Variants in TNN observed in about 807,000 individuals in gnomAD.
TNN encodes tenascin-N.
In TNN, 122 loss-of-function variants were observed where a neutral mutation model predicts 134.4. That is an observed-to-expected ratio of 0.91 (90% CI 0.78 to 1.06). The LOEUF is 1.06. Among genes scored for constraint, TNN ranks in the 50% least tolerant of loss-of-function variants. The pLI is 0.00. For missense variants in TNN, 1,739 were observed against 1,699.4 expected (o/e 1.02, Z -0.41); for synonymous variants, 710 against 670.3 (o/e 1.06, Z -0.91).
rs112507321 is a variant in TNN, at chr1:175,141,964, C to A, written c.3596-2423C>A. Among the ~76,000 whole-genome samples the A allele has an allele frequency of 5.5e-3, 845 of 152,302 alleles. 3 individuals are homozygous for A. The highest frequency in any genetic ancestry group is 0.014 in the South Asian group (67 of 4,822). On this transcript the variant is annotated intron_variant, in intron 17 of 18. Coordinates refer to ENST00000239462, the MANE Select transcript of TNN (RefSeq NM_022093.2). ...TTTATCCCAGTGCCCAGGTTTAGAT[C>A]ATCACAAACATGTCTTTAAGAGAGC...
chr1:175,095,505 C>T (rs1413180163), intron 7 of TNN, among the ~76,000 whole-genome samples: 2 of 152,202 alleles, frequency 1.3e-5, no homozygotes, highest in Non-Finnish European at 2.9e-5. Flanking sequence ...TTACACGTGA[C>T]TCTCTGTTTA....
chr1:175,079,730 G>T (rs201382504), intron 3 of TNN, 23 bp downstream of exon 3: 3 of 1,552,646 alleles, frequency 1.9e-6, no homozygotes, highest in South Asian at 1.2e-5. Context: ...ATGTGCCCTC[G>T]GGCCGCCGGA....
intron 6 of TNN, among the ~76,000 whole-genome samples, chr1:175,088,169 A>G (rs1225202918): frequency 6.6e-6 from 1 of 152,144 alleles, no homozygotes; most frequent in Admixed American, 6.6e-5. Flanking sequence ...AGCAACTGTG[A>G]GCGCCTCTCT....
In TNN at chr1:175,144,038, G is replaced by A. The variant is rs1676002208; in HGVS notation, c.3596-349G>A. Among the ~76,000 whole-genome samples, 5 of 152,134 alleles carry A rather than the reference G, an allele frequency of 3.3e-5. No individual in the cohort carries two copies. In the South Asian group the frequency reaches 1.0e-3, roughly 32 times the overall value. On this transcript the variant is annotated intron_variant, in intron 17 of 18. Coordinates refer to ENST00000239462, the MANE Select transcript of TNN (RefSeq NM_022093.2). ...TGGTGTGGAGAAGGGTGGACCCAAGGCAGAGTGGGTAGAGTGGAGAGTGGT... is the reference window on the plus strand; with the variant it reads ...TGGTGTGGAGAAGGGTGGACCCAAGACAGAGTGGGTAGAGTGGAGAGTGGT...
chr1:175,144,702 G>A lies in TNN; in HGVS notation c.3759+152G>A, dbSNP rs1676022925. The A allele has an allele frequency of 3.5e-6, 3 of 847,934 alleles. No individual in the cohort carries two copies. The Admixed American group carries it at 8.8e-5, about 25-fold the overall frequency. 52.5% of individuals were successfully genotyped at this position (847,934 alleles called of 1,614,324 possible). ...CTCCTCCAGGCTCCATGGCCTTGAG[G>A]TCGTGGCCTCCCTTCCTGATGGCCA... On this transcript the variant is annotated intron_variant, in intron 18 of 18. Transcript: ENST00000239462.
Position 175,098,403 on chromosome 1 carries a change from G to C in TNN, c.1927G>C (p.Val643Leu), listed in dbSNP as rs2149433094. 6.2e-7 allele frequency: 1 copy of C among 1,614,202 alleles called. No individual in the cohort carries two copies. The highest frequency in any genetic ancestry group is 1.1e-5 in the South Asian group (1 of 91,082). The change falls in exon 9 of 19, where the codon GTG (valine) becomes CTG (leucine). Residue 643 changes from valine (V) to leucine (L), a missense_variant. By Grantham distance (32) the Val-to-Leu change is conservative (BLOSUM62 1). Transcript: ENST00000239462. ...ENMATVSWDPVQAAIDKYVVR... is the reference protein window; with the variant it reads ...ENMATVSWDPLQAAIDKYVVR... ...TATGGCCACGGTCTCCTGGGACCCG[G>C]TGCAGGCCGCCATTGACAAGTACGT...
At chr1:175,124,550 A>C (rs755662371) in intron 12 of TNN, among the ~76,000 whole-genome samples, 1 of 152,050 alleles carries the variant, frequency 6.6e-6, no homozygotes, top group Non-Finnish European at 1.5e-5. Flanking sequence ...GTGTGGTGGC[A>C]GGTGCCTGTA....
intron 6 of TNN, among the ~76,000 whole-genome samples, chr1:175,087,505 C>T (rs962638654): frequency 5.9e-5 from 9 of 152,180 alleles, no homozygotes; most frequent in African/African-American, 9.7e-5. Context: ...ATTGGGGTCC[C>T]GAGTTTTTTA....
chr1:175,111,486 CAAAAAAAAAAAAA>C (rs59538028), intron 9 of TNN, among the ~76,000 whole-genome samples: 2 of 62,512 alleles, frequency 3.2e-5, no homozygotes, highest in East Asian at 6.5e-4. Flanking sequence ...GACTCTGTCT[CAAAAAAAAAAAAA>C]AAAAAAAAAA....
intron 13 of TNN, among the ~76,000 whole-genome samples, 185 bp from the exon 14 acceptor site, chr1:175,127,847 T>G (rs867390349): frequency 2.2e-4 from 33 of 152,224 alleles, no homozygotes; most frequent in African/African-American, 8.0e-4. Flanking sequence ...CTCCATGGCA[T>G]GGCTCTCCAG....
chr1:175,132,470 G>A (rs758609211), intron 15 of TNN, among the ~76,000 whole-genome samples: 2 of 152,130 alleles, frequency 1.3e-5, no homozygotes, highest in Non-Finnish European at 2.9e-5. Flanking sequence ...AAGGAAATAG[G>A]GCATTTTTAA....
At chr1:175,100,959 G>T (rs960895864) in intron 9 of TNN, among the ~76,000 whole-genome samples, 2 of 152,150 alleles carry the variant, frequency 1.3e-5, no homozygotes, top group African/African-American at 4.8e-5. Flanking sequence ...TCAAATCAGG[G>T]TAATCAGGAT....
chr1:175,143,439 C>T (rs56344416), intron 17 of TNN, among the ~76,000 whole-genome samples: 1 of 151,890 alleles, frequency 6.6e-6, no homozygotes, highest in Non-Finnish European at 1.5e-5. Context: ...AAGCAGTTTT[C>T]CAGATGGGAT....
Position 175,123,582 on chromosome 1 carries a change from C to T in TNN, c.2833C>T (p.Pro945Ser), listed in dbSNP as rs1222579899. The T allele has an allele frequency of 6.2e-7, 1 of 1,614,006 alleles. No individual in the cohort carries two copies. Among genetic ancestry groups the T allele is most frequent in the South Asian group, 1.1e-5 (1 of 91,070 alleles). Residue 945 changes from proline (P) to serine (S), a missense_variant, in exon 12 of 19, where the codon CCA becomes TCA. Coordinates refer to ENST00000239462, the MANE Select transcript of TNN (RefSeq NM_022093.2). ...CAGCACTGTCCTGACGGGCCTGAGA[C>T]CAGGCATGGAGTACATGGTGCACGT... ...HSSTVLTGLR[P>S]GMEYMVHVWA...
intron 10 of TNN, among the ~76,000 whole-genome samples, chr1:175,118,347 C>T (rs1047360447): frequency 6.6e-6 from 1 of 152,106 alleles, no homozygotes; most frequent in Non-Finnish European, 1.5e-5. Context: ...AGCCTGGATT[C>T]TCAGGTTCTG....
Position 175,097,689 on chromosome 1 carries a change from A to G in TNN, c.1855+6A>G, listed in dbSNP as rs373974777. ...TGACACCAACGCCCCGACAGGTAAC[A>G]AAAGAGAGATGGTCAATTGGAATTG... On this transcript the variant is annotated splice_donor_region_variant and intron_variant, in intron 8 of 18. Coordinates refer to ENST00000239462, the MANE Select transcript of TNN (RefSeq NM_022093.2). 3.5e-4 allele frequency: 568 copies of G among 1,613,726 alleles called. 1 individual carries two copies. Among genetic ancestry groups the G allele is most frequent in the Admixed American group, 8.8e-4 (53 of 59,932 alleles).
chr1:175,123,728 G>T, intron 12 of TNN, 65 bp downstream of exon 12: 1 of 1,595,670 alleles, frequency 6.3e-7, no homozygotes, highest in Non-Finnish European at 8.5e-7. Context: ...TCCTCCATCA[G>T]TGGGCTGGGG....
rs149018237 is a variant in TNN, at chr1:175,128,745, T to C, written c.3329T>C (p.Ile1110Thr). 37 of 1,612,076 alleles carry C rather than the reference T, an allele frequency of 2.3e-5. No homozygotes were observed. In the African/African-American group the frequency reaches 2.5e-4, roughly 11 times the overall value. Residue 1110 changes from isoleucine to threonine, a missense_variant and splice_region_variant, in exon 15 of 19, where the codon ATT becomes ACT. Ile to Thr is a moderately conservative substitution (Grantham distance 89). Transcript: ENST00000239462. Reference protein sequence around the residue: ...CDMETDGGGWIVFQRRNTGQL... With the variant: ...CDMETDGGGWTVFQRRNTGQL... ...ATGGAAACGGACGGAGGTGGCTGGA[T>C]TGTGAGTCACGCAGAACCCTGGGGA...
chr1:175,119,231 A>T (rs1347149788), intron 11 of TNN, among the ~76,000 whole-genome samples: 1 of 152,248 alleles, frequency 6.6e-6, no homozygotes, highest in African/African-American at 2.4e-5. Context: ...TTTCTTGAAG[A>T]TATGCTAAAC....
Sources: gnomAD v4.1 joint callset for allele counts (sites outside exome capture counted in the v4.1 genomes callset) on GRCh38, gnomAD v4.1.1 for gene constraint, MANE v1.5 for transcripts, NCBI Gene and HGNC (gene_info 2026-07-23, HGNC 2026-07-21) for gene names.